Variants in MTOR observed in about 807,000 individuals in gnomAD.
The protein encoded by MTOR is mechanistic target of rapamycin kinase.
MTOR carries 70 observed loss-of-function variants against 319.8 expected under a neutral mutation model. That is an observed-to-expected ratio of 0.22 (90% CI 0.18 to 0.27). MTOR has a LOEUF of 0.27. Among genes scored for constraint, MTOR ranks in the 10% least tolerant of loss-of-function variants. MTOR has a pLI of 1.00. For synonymous variants in MTOR, 1,183 were observed against 1,211.4 expected (o/e 0.98, Z 0.49); for missense variants, 1,890 against 3,274.4 (o/e 0.58, Z 10.32).
chr1:11,176,412 G>A (rs1379413724), intron 28 of MTOR, among the ~76,000 whole-genome samples: 1 of 152,206 alleles, frequency 6.6e-6, no homozygotes, highest in African/African-American at 2.4e-5. Context: ...AGCATCTGCA[G>A]GCACAGCTGG....
rs539549989 is a variant in MTOR at position 11,124,702 on chromosome 1, G to A, written c.6527-69C>T. On this transcript the variant is annotated intron_variant, in intron 46 of 57. Transcript: ENST00000361445. ...CAGCTCTTCAGCTGAGAGCACCACTGCATTCAAGAGATCCCACAGACTACA... is the reference window on the plus strand; with the variant it reads ...CAGCTCTTCAGCTGAGAGCACCACTACATTCAAGAGATCCCACAGACTACA... The A allele has an allele frequency of 1.0e-5, 16 of 1,524,686 alleles. 1 individual carries two copies. In the South Asian group the frequency reaches 1.9e-4, roughly 19 times the overall value. 94.4% of individuals were successfully genotyped at this position (1,524,686 alleles called of 1,614,324 possible).
chr1:11,185,264 T>C (rs1645277089), intron 28 of MTOR, among the ~76,000 whole-genome samples: 1 of 150,694 alleles, frequency 6.6e-6, no homozygotes, highest in Admixed American at 6.6e-5. Context: ...TTTTTTTTTT[T>C]ACTATATTCC....
In MTOR at chr1:11,127,143, G is replaced by A. The variant is rs2100402698; in HGVS notation, c.6218C>T (p.Ala2073Val). Reference protein sequence around the residue: ...QTLKETSFNQAYGRDLMEAQE... With the variant: ...QTLKETSFNQVYGRDLMEAQE... The stretch of plus-strand genomic sequence containing the variant: ...GGCCTCCATTAAATCTCGACCATAG[G>A]CCTGAGAGAGAAAGCAGGCACGTTT... The change falls in exon 45 of 58, where the codon GCC (alanine) becomes GTC (valine). Residue 2073 changes from alanine to valine, a missense_variant and splice_region_variant. Physicochemically the swap from Ala to Val is moderately conservative, Grantham distance 64 (BLOSUM62 0). Around this residue, in one of 15 missense-constraint regions of MTOR, gnomAD observed 249 missense variants for 596.2 expected, o/e 0.42. Transcript: ENST00000361445. The surrounding 1 kb of genome is among the most constrained non-coding windows in gnomAD (Gnocchi z 5.5). 6.2e-7 allele frequency: 1 copy of A among 1,613,722 alleles called. No individual in the cohort carries two copies. The highest frequency in any genetic ancestry group is 8.5e-7 in the Non-Finnish European group (1 of 1,179,946).
intron 6 of MTOR, among the ~76,000 whole-genome samples, chr1:11,252,589 C>G (rs1371198658): frequency 6.6e-6 from 1 of 152,194 alleles, no homozygotes; most frequent in Non-Finnish European, 1.5e-5. Context: ...GGTAACTTGC[C>G]TGAGTCGCAC....
At chr1:11,240,910 T>G (rs1647917708) in intron 10 of MTOR, among the ~76,000 whole-genome samples, 1 of 152,214 alleles carries the variant, frequency 6.6e-6, no homozygotes, top group South Asian at 2.1e-4. Flanking sequence ...ACACAATATT[T>G]GCAAATATTT....
At chr1:11,151,779 G>C (rs1644153539) in intron 30 of MTOR, among the ~76,000 whole-genome samples, 1 of 152,162 alleles carries the variant, frequency 6.6e-6, no homozygotes, top group South Asian at 2.1e-4. Context: ...CAACCCTATA[G>C]TTCAAAATTT....
chr1:11,132,844 C>A, intron 38 of MTOR: 1 of 481,226 alleles, frequency 2.1e-6, no homozygotes, highest in East Asian at 3.5e-5. Flanking sequence ...TCCCCAACAC[C>A]ACATACACAT....
At chr1:11,214,269 T>G (rs1183458720) in intron 20 of MTOR, among the ~76,000 whole-genome samples, 15 of 152,360 alleles carry the variant, frequency 9.8e-5, no homozygotes. Flanking sequence ...AATCTATCCA[T>G]CAGGCCTGAA....
chr1:11,121,147 A>G lies in MTOR; in HGVS notation c.6933+99T>C, dbSNP rs957886772. The stretch of plus-strand genomic sequence containing the variant: ...GACACGCTCTACAGCCAATCACAGC[A>G]AAGAAGAGCCGCTGTGTGCACATGA... On this transcript the variant is annotated intron_variant, in intron 49 of 57. Transcript: ENST00000361445. This position sits in a 1 kb window ranked among gnomAD's most constrained non-coding sequence, Gnocchi z 4.9. The G allele has an allele frequency of 6.6e-7, 1 of 1,507,416 alleles. No homozygotes were observed. The highest frequency in any genetic ancestry group is 8.9e-7 in the Non-Finnish European group (1 of 1,122,900). 93.4% of individuals were successfully genotyped at this position (1,507,416 alleles called of 1,614,324 possible).
At chr1:11,217,803 T>C (rs1034013267) in intron 19 of MTOR, among the ~76,000 whole-genome samples, 7 of 151,326 alleles carry the variant, frequency 4.6e-5, no homozygotes, top group Non-Finnish European at 8.8e-5. Flanking sequence ...TTCACTCCTA[T>C]CCACATGCAA....
At position 11,248,951 on chromosome 1, in the gene MTOR, C is replaced by T. The variant is rs35667215; in HGVS notation, c.841-857G>A. Among the ~76,000 whole-genome samples the T allele has an allele frequency of 4.1e-3, 619 of 152,132 alleles. 3 individuals are homozygous for T. Among genetic ancestry groups the T allele is most frequent in the Non-Finnish European group, 7.3e-3 (495 of 68,012 alleles). On this transcript the variant is annotated intron_variant, in intron 6 of 57. Transcript: ENST00000361445. ...GCTTAATCACTCATCCTGAGTCAGG[C>T]GCAAGGGCTCACGCCTGTAATCCCA...
chr1:11,217,494 G>A (rs945991238), intron 19 of MTOR, among the ~76,000 whole-genome samples: 5 of 151,264 alleles, frequency 3.3e-5, no homozygotes, highest in Non-Finnish European at 5.9e-5. Context: ...CAAGCCTCCC[G>A]GGTTCAAGCC....
At chr1:11,234,014 C>T in intron 14 of MTOR, 129 bp downstream of exon 14, 1 of 1,380,658 alleles carries the variant, frequency 7.2e-7, no homozygotes, top group South Asian at 1.2e-5. Flanking sequence ...GCCCTTTGGT[C>T]TCCAAGCGTG....
chr1:11,171,223 A>G (rs1202029090), intron 28 of MTOR, among the ~76,000 whole-genome samples: 1 of 151,306 alleles, frequency 6.6e-6, no homozygotes, highest in Non-Finnish European at 1.5e-5. Flanking sequence ...AAGAAAATCC[A>G]GGAGTTCTAA....
intron 29 of MTOR, among the ~76,000 whole-genome samples, chr1:11,162,330 G>A (rs1215734388): frequency 6.6e-6 from 1 of 152,226 alleles, no homozygotes; most frequent in Admixed American, 6.5e-5. Flanking sequence ...GTGACGGGGA[G>A]TGAAATAGAA....
In MTOR at chr1:11,145,586, T is replaced by C. The variant is rs537304545; in HGVS notation, c.4687-541A>G. ...TTTTAGTAGAGATAGGGTTTCTCCA[T>C]GTTGGTTCAAGCGATTCTCTTGCCT... On this transcript the variant is annotated intron_variant, in intron 32 of 57. Transcript: ENST00000361445. Among the ~76,000 whole-genome samples, 7 of 150,498 alleles carry C rather than the reference T, an allele frequency of 4.7e-5. No individual in the cohort carries two copies. The East Asian group carries it at 1.4e-3, about 30-fold the overall frequency.
intron 19 of MTOR, among the ~76,000 whole-genome samples, chr1:11,227,729 G>A (rs1463930350): frequency 4.6e-5 from 7 of 152,188 alleles, no homozygotes; most frequent in Non-Finnish European, 1.5e-5. Context: ...TAATAAAATG[G>A]AGAAGGAATA....
intron 34 of MTOR, among the ~76,000 whole-genome samples, chr1:11,140,817 A>T (rs527526549): frequency 3.3e-5 from 5 of 152,350 alleles, no homozygotes; most frequent in African/African-American, 1.2e-4. Flanking sequence ...TTCTGGTTGA[A>T]GATGACTATC....
chr1:11,175,523 C>T (rs1644954504), intron 28 of MTOR, among the ~76,000 whole-genome samples: 1 of 152,080 alleles, frequency 6.6e-6, no homozygotes, highest in African/African-American at 2.4e-5. Context: ...TTGCTGCCTT[C>T]CTATAGCAAA....
Sources: allele counts gnomAD v4.1 joint callset (sites outside exome capture counted in the v4.1 genomes callset), GRCh38; gene constraint gnomAD v4.1.1; regional missense constraint gnomAD v4.1.1; non-coding constraint Gnocchi (gnomAD v3.1); transcripts MANE v1.5; gene names NCBI Gene and HGNC (gene_info 2026-07-23, HGNC 2026-07-21).